The following TERT variants were observed in gnomAD, a reference collection of about 807,000 sequenced individuals.
TERT encodes the protein telomerase reverse transcriptase, also known as telomerase catalytic subunit.
TERT carries 42 observed loss-of-function variants against 104.0 expected under a neutral mutation model. The ratio of observed to expected loss-of-function variants is 0.40; its 90% confidence interval spans 0.32 to 0.52. The LOEUF is 0.52. Ranked by LOEUF, TERT falls within the 20% of genes least tolerant of loss-of-function variation. The probability of loss-of-function intolerance (pLI) is 0.43; values close to 1 mark genes in which losing one functional copy is unlikely to be tolerated. For missense variants in TERT, 1,101 were observed against 1,610.3 expected (o/e 0.68, Z 5.41); for synonymous variants, 781 against 725.6 (o/e 1.08, Z -1.23).
intron 6 of TERT, 100 bp downstream of exon 6, chr5:1,278,541 C>T: frequency 2.0e-6 from 3 of 1,525,310 alleles, no homozygotes; most frequent in South Asian, 2.2e-5. Context: ...CATGGAAGTA[C>T]CTCCACCACA....
In TERT at chr5:1,281,090, G is replaced by A. The variant is rs535452120; in HGVS notation, c.1770-752C>T. The stretch of plus-strand genomic sequence containing the variant: ...CAGGCAGAACAACAGTCCCAGTAGT[G>A]ACAAGGAGCATCTTGGGGACCACCA... On this transcript the variant is annotated intron_variant, in intron 3 of 15. Transcript: ENST00000310581. Among the ~76,000 whole-genome samples the A allele has an allele frequency of 2.0e-5, 3 of 152,214 alleles. No individual in the cohort carries two copies. In the East Asian group the frequency reaches 5.8e-4, roughly 29 times the overall value.
At chr5:1,281,307 T>A (rs1229128868) in intron 3 of TERT, among the ~76,000 whole-genome samples, 1 of 152,044 alleles carries the variant, frequency 6.6e-6, no homozygotes, top group Non-Finnish European at 1.5e-5. Flanking sequence ...CACGTCGGGG[T>A]CCCCAGCCCA....
Position 1,271,109 on chromosome 5 carries a change from C to A in TERT, c.2468+10G>T, listed in dbSNP as rs878855301. The A allele has an allele frequency of 6.2e-6, 10 of 1,611,828 alleles. No individual in the cohort carries two copies. The highest frequency in any genetic ancestry group is 8.5e-6 in the Non-Finnish European group (10 of 1,179,394). On this transcript the variant is annotated intron_variant, in intron 8 of 15. Coordinates refer to ENST00000310581, the MANE Select transcript of TERT (RefSeq NM_198253.3). The stretch of plus-strand genomic sequence containing the variant: ...CCCGCAGGGCAATGGCACCTGGCCA[C>A]CTGACTCACTTGCCCCTGATGCGCA...
rs2126562843 is a variant in TERT at position 1,255,382 on chromosome 5, A to C, written c.3062T>G (p.Phe1021Cys). ...RFHACVLQLP[F>C]HQQVWKNPTF... ...GGGGTTCTTCCAAACTTGCTGATGA[A>C]ATGGGAGCTGCAGCACACATGCGTG... Residue 1021 changes from phenylalanine to cysteine, a missense_variant, in exon 14 of 16, where the codon TTT (phenylalanine) becomes TGT (cysteine). Phe to Cys is a radical substitution (Grantham distance 205). Coordinates refer to ENST00000310581, the MANE Select transcript of TERT (RefSeq NM_198253.3). The surrounding 1 kb of genome is among the most constrained non-coding windows in gnomAD (Gnocchi z 6.9). The C allele has an allele frequency of 6.2e-7, 1 of 1,614,206 alleles. No homozygotes were observed. The highest frequency in any genetic ancestry group is 8.5e-7 in the Non-Finnish European group (1 of 1,180,032).
At chr5:1,279,567 G>A in intron 4 of TERT, 97 bp from the exon 5 acceptor site, 1 of 1,273,648 alleles carries the variant, frequency 7.9e-7, no homozygotes, top group East Asian at 2.5e-5. Flanking sequence ...CCTCCCCAGT[G>A]TCCCCAGCCA....
At chr5:1,254,347 C>T in intron 15 of TERT, 21 bp downstream of exon 15, 3 of 1,612,762 alleles carry the variant, frequency 1.9e-6, no homozygotes, top group Non-Finnish European at 2.5e-6. Context: ...GGGGCCCGCA[C>T]TGGCCTCCAC....
chr5:1,263,162 A>C lies in TERT; in HGVS notation c.2843+1242T>G, dbSNP rs1303972904. On this transcript the variant is annotated intron_variant, in intron 11 of 15. Transcript: ENST00000310581. This position sits in a 1 kb window ranked among gnomAD's most constrained non-coding sequence, Gnocchi z 5.3. ...GTCCACACCTGCTGCTCCCCCATGA[A>C]GCAAACCCCAGGGAGCATTCTGGAA... Among the ~76,000 whole-genome samples, 1 of 152,166 alleles carries C rather than the reference A, an allele frequency of 6.6e-6. No individual in the cohort carries two copies. Among genetic ancestry groups the C allele is most frequent in the Non-Finnish European group, 1.5e-5 (1 of 68,012 alleles).
rs2126692825 is a variant in TERT at position 1,294,953 on chromosome 5, G to A, written c.37C>T (p.Leu13=). 7.2e-7 allele frequency: 1 copy of A among 1,381,780 alleles called. No homozygotes were observed. Among genetic ancestry groups the A allele is most frequent in the Non-Finnish European group, 9.3e-7 (1 of 1,073,852 alleles). 85.6% of individuals were successfully genotyped at this position (1,381,780 alleles called of 1,614,324 possible). The change falls in exon 1 of 16, where the codon CTG becomes TTG. Residue 13 remains leucine, a synonymous_variant. Coordinates refer to ENST00000310581, the MANE Select transcript of TERT (RefSeq NM_198253.3). ...ACCTCGCGGTAGTGGCTGCGCAGCA[G>A]GGAGCGCACGGCTCGGCAGCGGGGA... ...RAPRCRAVRS[L]LRSHYREVLP...
At position 1,289,756 on chromosome 5, in the gene TERT, A is replaced by G. The variant is rs371687776; in HGVS notation, c.1573+3557T>C. Among the ~76,000 whole-genome samples the G allele has an allele frequency of 1.9e-3, 133 of 70,594 alleles. 1 individual carries two copies. The highest frequency in any genetic ancestry group is 0.018 in the South Asian group (28 of 1,598). 46.3% of individuals were successfully genotyped at this position (70,594 alleles called of 152,430 possible). ...GCACGTGACAGGGACACCCGGGGAC[A>G]GTGCCTCATTCACCCTACACGTGAC... On this transcript the variant is annotated intron_variant, in intron 2 of 15. Coordinates refer to ENST00000310581, the MANE Select transcript of TERT (RefSeq NM_198253.3).
At position 1,255,178 on chromosome 5, in the gene TERT, G is replaced by T; in HGVS notation, c.3157+109C>A. On this transcript the variant is annotated intron_variant, in intron 14 of 15. Transcript: ENST00000310581. This position sits in a 1 kb window ranked among gnomAD's most constrained non-coding sequence, Gnocchi z 6.9. ...CAGTGGTTGGGTTAAACCACTTCCT[G>T]ATGCGAAAAGGGGTAAGAACTTCCT... The T allele has an allele frequency of 1.4e-6, 2 of 1,449,030 alleles. No individual in the cohort carries two copies. Among genetic ancestry groups the T allele is most frequent in the Non-Finnish European group, 1.9e-6 (2 of 1,058,176 alleles). 89.8% of individuals were successfully genotyped at this position (1,449,030 alleles called of 1,614,324 possible). A position where few individuals can be genotyped will look rare whatever the true frequency, so the allele number is the denominator to read the frequency against.
rs2126556832 is a variant in TERT, at chr5:1,253,746, G to A, written c.3381C>T (p.Phe1127=). The A allele has an allele frequency of 1.2e-6, 2 of 1,611,868 alleles. No homozygotes were observed. Among genetic ancestry groups the A allele is most frequent in the South Asian group, 2.2e-5 (2 of 90,626 alleles). The change falls in exon 16 of 16, where the codon TTC becomes TTT. Residue 1127 remains phenylalanine, a synonymous_variant. Transcript: ENST00000310581. ...AAANPALPSD[F]KTILD is the part of the protein sequence containing the mutation. The stretch of plus-strand genomic sequence containing the variant: ...GTGGCCATCAGTCCAGGATGGTCTT[G>A]AAGTCTGAGGGCAGTGCCGGGTTGG...
intron 2 of TERT, among the ~76,000 whole-genome samples, chr5:1,285,772 G>A (rs1007141722): frequency 4.0e-5 from 6 of 151,852 alleles, no homozygotes; most frequent in Admixed American, 1.3e-4. Flanking sequence ...GTTTCATCAT[G>A]TTGGCCAGGA....
At chr5:1,272,691 C>T (rs1749169608) in intron 6 of TERT, among the ~76,000 whole-genome samples, 1 of 71,212 alleles carries the variant, frequency 1.4e-5, no homozygotes, top group African/African-American at 4.4e-5. Context: ...ACATCAGACC[C>T]CACGACCGCC....
rs763191618 is a variant in TERT, at chr5:1,266,483, GGGTGA to G, written c.2630_2634del (p.Leu877ProfsTer15). 1.2e-6 allele frequency: 2 copies of G among 1,609,978 alleles called. No individual in the cohort carries two copies. Among genetic ancestry groups the G allele is most frequent in the Non-Finnish European group, 8.5e-7 (1 of 1,178,198 alleles). ...CCTCACCTGAGGAAGGTTTTCGCGT[GGGTGA>G]GGTGAGGTGTCACCAACAAGAAATC... On this transcript the variant is annotated frameshift_variant, in exon 10 of 16. Transcript: ENST00000310581. LOFTEE classifies it high-confidence loss of function.
At position 1,287,508 on chromosome 5, in the gene TERT, A is replaced by AT. The variant is rs1554041995; in HGVS notation, c.1574-4885_1574-4884insA. Among the ~76,000 whole-genome samples the AT allele has an allele frequency of 6.0e-3, 838 of 140,700 alleles. 5 individuals carry two copies. Among genetic ancestry groups the AT allele is most frequent in the East Asian group, 0.011 (56 of 5,036 alleles). 92.3% of individuals were successfully genotyped at this position (140,700 alleles called of 152,430 possible). On this transcript the variant is annotated intron_variant, in intron 2 of 15. Coordinates refer to ENST00000310581, the MANE Select transcript of TERT (RefSeq NM_198253.3). This position sits in a 1 kb window ranked among gnomAD's most constrained non-coding sequence, Gnocchi z 4.3. ...CCAAGACTCTGTCTCAAAAAAAAAA[A>AT]ATATATATATATATATATAAATTAA...
In TERT at chr5:1,282,756, C is replaced by T. The variant is rs1381543645; in HGVS notation, c.1574-132G>A. On this transcript the variant is annotated intron_variant, in intron 2 of 15. Transcript: ENST00000310581. ...GACCTCACCCCAGACCTGCACCATC[C>T]GGACACGGCACATCCAGCCCACCAA... 1.1e-4 allele frequency: 99 copies of T among 875,634 alleles called. No homozygotes were observed. The African/African-American group carries it at 1.3e-3, about 11-fold the overall frequency. 54.2% of individuals were successfully genotyped at this position (875,634 alleles called of 1,614,324 possible). A position where few individuals can be genotyped will look rare whatever the true frequency, so the allele number is the denominator to read the frequency against.
Position 1,269,903 on chromosome 5 carries a change from G to A in TERT, c.2468+1216C>T, listed in dbSNP as rs1162077594. 6.6e-6 allele frequency among the ~76,000 whole-genome samples: 1 copy of A among 152,292 alleles called. No individual in the cohort carries two copies. The highest frequency in any genetic ancestry group is 2.4e-5 in the African/African-American group (1 of 41,556). ...GGGCCTGTCCGTGTCCTAGGGACAG[G>A]ACAGACACAGTCACCTCCTGTCTGT... On this transcript the variant is annotated intron_variant, in intron 8 of 15. Transcript: ENST00000310581. This position sits in a 1 kb window ranked among gnomAD's most constrained non-coding sequence, Gnocchi z 9.0.
chr5:1,256,601 C>T lies in TERT; in HGVS notation c.3033-1190G>A, dbSNP rs540748864. ...ACCTGGTCTCACTGACTTCCTGAGC[C>T]ACTTCTGGAATGACCTGAGATCACA... On this transcript the variant is annotated intron_variant, in intron 13 of 15. Transcript: ENST00000310581. The surrounding 1 kb of genome is among the most constrained non-coding windows in gnomAD (Gnocchi z 7.0). Among the ~76,000 whole-genome samples the T allele has an allele frequency of 4.0e-4, 61 of 152,172 alleles. No individual in the cohort carries two copies. Among genetic ancestry groups the T allele is most frequent in the African/African-American group, 1.5e-3 (61 of 41,520 alleles).
At chr5:1,285,641 C>T (rs373064297) in intron 2 of TERT, among the ~76,000 whole-genome samples, 1 of 126,654 alleles carries the variant, frequency 7.9e-6, no homozygotes, top group East Asian at 2.6e-4. Context: ...GCAATGTCGG[C>T]TCACTGCAAC....
Sources: allele counts gnomAD v4.1 joint callset (sites outside exome capture counted in the v4.1 genomes callset), GRCh38; gene constraint gnomAD v4.1.1; non-coding constraint Gnocchi (gnomAD v3.1); transcripts MANE v1.5; gene names NCBI Gene and HGNC (gene_info 2026-07-23, HGNC 2026-07-21).